Variants in SYT16 observed in about 807,000 individuals in gnomAD.
SYT16 encodes the protein synaptotagmin-16.
SYT16 carries 42 observed loss-of-function variants against 61.4 expected under a neutral mutation model. The ratio of observed to expected loss-of-function variants is 0.68; its 90% CI spans 0.53 to 0.89. SYT16 has a LOEUF of 0.89. Ranked by LOEUF, SYT16 falls within the 40% of genes least tolerant of loss-of-function variation. SYT16 has a pLI of 0.00. For synonymous variants in SYT16, 314 were observed against 302.3 expected (o/e 1.04, Z -0.40); for missense variants, 804 against 807.3 (o/e 1.00, Z 0.05).
At chr14:61,995,030 C>T (rs2052706940) in intron 2 of SYT16, among the ~76,000 whole-genome samples, 1 of 152,062 alleles carries the variant, frequency 6.6e-6, no homozygotes, top group African/African-American at 2.4e-5. Context: ...TTGATGAACA[C>T]TGTAATAGCA....
In SYT16 at chr14:62,021,162, A is replaced by G. The variant is rs189066146; in HGVS notation, c.523+24620A>G. Among the ~76,000 whole-genome samples the G allele has an allele frequency of 1.1e-3, 171 of 152,208 alleles. 1 individual carries two copies. Among genetic ancestry groups the G allele is most frequent in the Non-Finnish European group, 1.9e-3 (127 of 68,002 alleles). ...AGTGTGAGTTGATCATTTTGAGGGG[A>G]TGATTATTCCATTGCTTTTACGGTC... On this transcript the variant is annotated intron_variant, in intron 3 of 7. Transcript: ENST00000683842.
At chr14:62,003,621 T>C (rs2053109476) in intron 3 of SYT16, among the ~76,000 whole-genome samples, 1 of 152,084 alleles carries the variant, frequency 6.6e-6, no homozygotes, top group African/African-American at 2.4e-5. Context: ...TCCAACTGTC[T>C]ACATCTTAAG....
intron 6 of SYT16, 59 bp from the exon 7 acceptor site, chr14:62,084,137 C>G (rs2056804924): frequency 6.4e-7 from 1 of 1,556,852 alleles, no homozygotes. Context: ...TATCGGCTTT[C>G]TCTAAAAGAG....
intron 2 of SYT16, among the ~76,000 whole-genome samples, chr14:61,986,118 A>G (rs918592640): frequency 5.3e-5 from 8 of 152,104 alleles, no homozygotes; most frequent in Admixed American, 1.3e-4. Flanking sequence ...CCTGATACCT[A>G]TTTTAGTGTC....
chr14:62,055,432 C>T (rs2055507574), intron 3 of SYT16, among the ~76,000 whole-genome samples: 1 of 152,130 alleles, frequency 6.6e-6, no homozygotes, highest in East Asian at 1.9e-4. Context: ...TTGAGAGAGT[C>T]CTTGCAGTGA....
intron 1 of SYT16, among the ~76,000 whole-genome samples, chr14:61,823,536 C>G (rs2045679170): frequency 7.1e-6 from 1 of 140,634 alleles, no homozygotes; most frequent in African/African-American, 2.7e-5. Flanking sequence ...CAAAACCAGC[C>G]TGGTCAACAT....
At chr14:61,818,822 T>G (rs950320700) in intron 1 of SYT16, among the ~76,000 whole-genome samples, 1 of 152,186 alleles carries the variant, frequency 6.6e-6, no homozygotes, top group Non-Finnish European at 1.5e-5. Flanking sequence ...TTATAAACAG[T>G]GTAGAAGAAA....
intron 1 of SYT16, among the ~76,000 whole-genome samples, chr14:61,830,727 C>T (rs2045911804): frequency 6.6e-6 from 1 of 152,116 alleles, no homozygotes; most frequent in Admixed American, 6.5e-5. Context: ...AGTGCTTCTC[C>T]CTACAGTCCA....
chr14:61,818,099 G>C (rs2140209782), intron 1 of SYT16, among the ~76,000 whole-genome samples: 1 of 152,312 alleles, frequency 6.6e-6, no homozygotes, highest in Admixed American at 6.5e-5. Flanking sequence ...TCCTAATTCT[G>C]TTGTGAAGTG....
chr14:62,032,926 T>A (rs1374048115), intron 3 of SYT16, among the ~76,000 whole-genome samples: 1 of 152,038 alleles, frequency 6.6e-6, no homozygotes, highest in African/African-American at 2.4e-5. Flanking sequence ...ATTGGTTCAC[T>A]TTTAATTCTA....
chr14:61,817,182 C>T (rs1348125700), intron 1 of SYT16, among the ~76,000 whole-genome samples: 4 of 151,756 alleles, frequency 2.6e-5, no homozygotes, highest in Non-Finnish European at 5.9e-5. Context: ...TTTGGGAGGC[C>T]GAGGCGGGTG....
chr14:62,079,883 A>G (rs1295615331), intron 5 of SYT16, among the ~76,000 whole-genome samples: 2 of 152,190 alleles, frequency 1.3e-5, no homozygotes, highest in African/African-American at 4.8e-5. Flanking sequence ...GACATTCCAT[A>G]AAGAGGGATG....
At chr14:61,946,704 G>T (rs1283699411) in intron 1 of SYT16, among the ~76,000 whole-genome samples, 1 of 152,108 alleles carries the variant, frequency 6.6e-6, no homozygotes, top group Non-Finnish European at 1.5e-5. Context: ...GAGGCTTTCT[G>T]TTCTCTTTTT....
intron 1 of SYT16, among the ~76,000 whole-genome samples, chr14:61,874,776 T>A (rs1484406944): frequency 6.6e-6 from 1 of 152,132 alleles, no homozygotes; most frequent in Non-Finnish European, 1.5e-5. Flanking sequence ...AGATTTTTTT[T>A]TTTTTTTTTT....
At chr14:62,094,527 A>G (rs1215990152) in intron 7 of SYT16, among the ~76,000 whole-genome samples, 1 of 152,098 alleles carries the variant, frequency 6.6e-6, no homozygotes, top group Non-Finnish European at 1.5e-5. Flanking sequence ...AATATGGATT[A>G]TGGATCTTCG....
chr14:62,011,617 T>G (rs1216144771), intron 3 of SYT16, among the ~76,000 whole-genome samples: 2 of 151,984 alleles, frequency 1.3e-5, no homozygotes, highest in African/African-American at 4.8e-5. Context: ...GGTGATTTAC[T>G]GAAGAAAATG....
At position 62,101,401 on chromosome 14, in the gene SYT16, T is replaced by C. The variant is rs1234126121; in HGVS notation, c.*694T>C. ...ACTGTTTTAAGACAACTTGTCTCCT[T>C]TTGAATATGTAAGATTTCAAACTTG... is the stretch of plus-strand genomic sequence containing the variant. On this transcript the variant is annotated 3_prime_UTR_variant, in exon 8 of 8. Coordinates refer to ENST00000683842, the MANE Select transcript of SYT16 (RefSeq NM_001367656.1). 1 of 152,180 alleles carries C rather than the reference T, an allele frequency of 6.6e-6. No individual in the cohort carries two copies. Among genetic ancestry groups the C allele is most frequent in the Non-Finnish European group, 1.5e-5 (1 of 68,024 alleles). 9.4% of individuals were successfully genotyped at this position (152,180 alleles called of 1,614,324 possible).
At chr14:62,050,545 G>C (rs577457058) in intron 3 of SYT16, among the ~76,000 whole-genome samples, 1 of 152,156 alleles carries the variant, frequency 6.6e-6, no homozygotes, top group Non-Finnish European at 1.5e-5. Context: ...GAGGAGAGGC[G>C]CTCCGAATTT....
At chr14:61,829,898 C>G (rs912262642) in intron 1 of SYT16, among the ~76,000 whole-genome samples, 32 of 152,172 alleles carry the variant, frequency 2.1e-4, no homozygotes, top group African/African-American at 7.2e-4. Context: ...TCGTGATCCA[C>G]CTGCCTTGGC....
Sources: gnomAD v4.1 joint callset for allele counts (sites outside exome capture counted in the v4.1 genomes callset) on GRCh38, gnomAD v4.1.1 for gene constraint, MANE v1.5 for transcripts, NCBI Gene and HGNC (gene_info 2026-07-23, HGNC 2026-07-21) for gene names.